The following PRKN variants were observed in gnomAD, a reference collection of about 807,000 sequenced individuals.
PRKN encodes the protein E3 ubiquitin-protein ligase parkin.
PRKN carries 56 observed loss-of-function variants against 59.5 expected under a neutral mutation model. That is an observed-to-expected ratio of 0.94 (90% confidence interval 0.76 to 1.18). The LOEUF (loss-of-function observed/expected upper bound fraction) is 1.18. PRKN is among the 50% of genes most tolerant of loss of function. PRKN has a pLI of 0.00. For missense variants in PRKN, 657 were observed against 596.4 expected, an observed-to-expected ratio of 1.10 and a Z score of -1.06; for synonymous variants, 250 against 222.1, an observed-to-expected ratio of 1.13 and a Z score of -1.12.
rs76428263 is a variant in PRKN, at chr6:162,489,400, C to T, written c.8-45927G>A. Among the ~76,000 whole-genome samples the T allele has an allele frequency of 9.2e-3, 1,408 of 152,224 alleles. 27 individuals are homozygous for T. The highest frequency in any genetic ancestry group is 0.032 in the African/African-American group (1,349 of 41,510). On this transcript the variant is annotated intron_variant, in intron 1 of 11. Coordinates refer to ENST00000366898, the MANE Select transcript of PRKN (RefSeq NM_004562.3). ...TAAAACATTAGAAAGGGATTCAGTA[C>T]AGAATATTAAAACTCTGTATTTTTC...
At chr6:162,329,218 G>C (rs1472359373) in intron 2 of PRKN, among the ~76,000 whole-genome samples, 1 of 152,126 alleles carries the variant, frequency 6.6e-6, no homozygotes, top group Non-Finnish European at 1.5e-5. Context: ...TAAATGCAGT[G>C]TGTGAGTGAA....
rs112603491 is a variant in PRKN, at chr6:161,646,125, C to T, written c.872-76709G>A. 2.1e-3 allele frequency among the ~76,000 whole-genome samples: 57 copies of T among 26,674 alleles called. 1 individual carries two copies. The highest frequency in any genetic ancestry group is 6.1e-3 in the African/African-American group (52 of 8,482). 17.5% of individuals were successfully genotyped at this position (26,674 alleles called of 152,430 possible). On this transcript the variant is annotated intron_variant, in intron 7 of 11. Transcript: ENST00000366898. ...GAGGCGGCGTATCAGTGACAGTGGT[C>T]ACTGCGTGTGCGTGCGTGGCGGAGG...
chr6:162,288,263 G>A (rs1077709), intron 2 of PRKN, among the ~76,000 whole-genome samples: 37,925 of 151,978 alleles, frequency 0.25, 5,106 homozygotes, highest in South Asian at 0.44. Flanking sequence ...GGTTTTGGCT[G>A]CTGGTAGTAG....
intron 3 of PRKN, among the ~76,000 whole-genome samples, chr6:162,213,826 C>T (rs1330561376): frequency 6.6e-5 from 7 of 106,036 alleles, no homozygotes; most frequent in African/African-American, 2.4e-4. Context: ...CACACACACA[C>T]ACACACACAC....
intron 3 of PRKN, among the ~76,000 whole-genome samples, chr6:162,212,360 T>C (rs569986403): frequency 1.9e-5 from 2 of 103,502 alleles, no homozygotes; most frequent in East Asian, 3.3e-4. Context: ...CCAAAAAGAA[T>C]GTTGTCCCAG....
At chr6:162,648,965 A>C (rs900561342) in intron 1 of PRKN, among the ~76,000 whole-genome samples, 3 of 152,096 alleles carry the variant, frequency 2.0e-5, no homozygotes, top group Non-Finnish European at 4.4e-5. Context: ...ATGAGCAAAA[A>C]CCACGTTTCT....
At chr6:161,933,496 A>C (rs1779242415) in intron 6 of PRKN, among the ~76,000 whole-genome samples, 1 of 152,200 alleles carries the variant, frequency 6.6e-6, no homozygotes, top group East Asian at 1.9e-4. Context: ...TCTCCATTTA[A>C]TCTCTTCTGG....
chr6:161,570,240 AGTTAT>A (rs1159972596), intron 7 of PRKN, among the ~76,000 whole-genome samples: 1 of 145,046 alleles, frequency 6.9e-6, no homozygotes, highest in African/African-American at 2.5e-5. Context: ...TATAGATATG[AGTTAT>A]ATATATTTTT....
At chr6:162,034,910 T>A (rs1008601119) in intron 5 of PRKN, among the ~76,000 whole-genome samples, 4 of 152,186 alleles carry the variant, frequency 2.6e-5, no homozygotes, top group Admixed American at 2.0e-4. Context: ...TAACAAAATG[T>A]TAATGTCTTA....
intron 1 of PRKN, among the ~76,000 whole-genome samples, chr6:162,485,262 G>A (rs1792488838): frequency 6.6e-6 from 1 of 152,056 alleles, no homozygotes; most frequent in South Asian, 2.1e-4. Flanking sequence ...TTAGAGGAAT[G>A]GTACGTATTA....
chr6:161,929,423 C>T (rs1779085925), intron 6 of PRKN, among the ~76,000 whole-genome samples: 1 of 150,840 alleles, frequency 6.6e-6, no homozygotes, highest in Admixed American at 6.6e-5. Context: ...TATTTTGAAA[C>T]TAGATAGAAG....
At chr6:162,265,379 C>T (rs970360250) in intron 2 of PRKN, among the ~76,000 whole-genome samples, 4 of 152,058 alleles carry the variant, frequency 2.6e-5, no homozygotes, top group South Asian at 2.1e-4. Flanking sequence ...ATATTTGTCC[C>T]GCTGCTAAGG....
chr6:162,700,989 CT>C (rs937261512), intron 1 of PRKN, among the ~76,000 whole-genome samples: 3 of 151,976 alleles, frequency 2.0e-5, no homozygotes, highest in Non-Finnish European at 4.4e-5. Context: ...AAAACATAAA[CT>C]TTTATAAAGC....
intron 1 of PRKN, among the ~76,000 whole-genome samples, chr6:162,612,735 C>T (rs947902232): frequency 6.6e-6 from 1 of 151,718 alleles, no homozygotes; most frequent in African/African-American, 2.4e-5. Flanking sequence ...TACAGTGTCC[C>T]CAGAGTTACG....
chr6:161,544,497 A>G lies in PRKN; in HGVS notation c.1083+4357T>C, dbSNP rs1445836422. 2.0e-5 allele frequency among the ~76,000 whole-genome samples: 2 copies of G among 99,056 alleles called. No homozygotes were observed. Among genetic ancestry groups the G allele is most frequent in the Non-Finnish European group, 4.6e-5 (2 of 43,784 alleles). The allele number at this position is 99,056 out of a possible 152,430, so 65.0% of individuals were successfully genotyped here. Reference sequence around the variant, plus strand: ...CTAGATTATTAAGATTCACTCAACCATTTATTTTATTCATTCATTCATTCA... The same window carrying G: ...CTAGATTATTAAGATTCACTCAACCGTTTATTTTATTCATTCATTCATTCA... On this transcript the variant is annotated intron_variant, in intron 9 of 11. Coordinates refer to ENST00000366898, the MANE Select transcript of PRKN (RefSeq NM_004562.3). This position sits in a 1 kb window ranked among gnomAD's most constrained non-coding sequence, Gnocchi z 5.5.
At chr6:162,637,433 T>C (rs1328297338) in intron 1 of PRKN, among the ~76,000 whole-genome samples, 1 of 152,014 alleles carries the variant, frequency 6.6e-6, no homozygotes, top group Non-Finnish European at 1.5e-5. Flanking sequence ...ATTCTAAAAT[T>C]CTAAACAGTA....
chr6:161,739,102 A>G (rs1252847853), intron 7 of PRKN, among the ~76,000 whole-genome samples: 1 of 152,136 alleles, frequency 6.6e-6, no homozygotes, highest in Non-Finnish European at 1.5e-5. Context: ...TCTCCATTGT[A>G]TATTAAGTGG....
intron 9 of PRKN, among the ~76,000 whole-genome samples, chr6:161,420,885 G>A (rs1439441450): frequency 6.6e-6 from 1 of 152,148 alleles, no homozygotes; most frequent in East Asian, 1.9e-4. Context: ...CGGGCTGCTG[G>A]ATCTTGTTTT....
At chr6:162,605,877 G>C (rs573874762) in intron 1 of PRKN, among the ~76,000 whole-genome samples, 84 of 152,238 alleles carry the variant, frequency 5.5e-4, no homozygotes, top group African/African-American at 1.9e-3. Context: ...TCTATTTTAA[G>C]TATTCATATT....
Sources: allele counts gnomAD v4.1 joint callset (sites outside exome capture counted in the v4.1 genomes callset), GRCh38; gene constraint gnomAD v4.1.1; non-coding constraint Gnocchi (gnomAD v3.1); transcripts MANE v1.5; gene names NCBI Gene and HGNC (gene_info 2026-07-23, HGNC 2026-07-21).